Variants in SLC6A13 observed in about 807,000 individuals in gnomAD.
SLC6A13 encodes the protein solute carrier family 6 member 13.
SLC6A13 carries 69 observed loss-of-function variants against 72.9 expected under a neutral mutation model. The observed-to-expected ratio is 0.95, with a 90% CI of 0.78 to 1.16. The LOEUF (loss-of-function observed/expected upper bound fraction) is 1.16, where lower values mean the gene tolerates loss of function less well. SLC6A13 is among the 50% of genes most tolerant of loss of function. The pLI, the probability that SLC6A13 is intolerant of heterozygous loss-of-function variation, is 0.00. For missense variants in SLC6A13, 735 were observed against 760.5 expected, an observed-to-expected ratio of 0.97 and a Z score of 0.39; for synonymous variants, 303 against 303.0, an observed-to-expected ratio of 1.00 and a Z score of 0.00.
chr12:253,998 G>A (rs1279490634), intron 2 of SLC6A13, among the ~76,000 whole-genome samples: 1 of 152,218 alleles, frequency 6.6e-6, no homozygotes, highest in East Asian at 1.9e-4. Flanking sequence ...GCTGGCTATG[G>A]ACAGTCCTAT....
rs779649431 is a variant in SLC6A13 at position 259,771 on chromosome 12, C to T, written c.202+80G>A. On this transcript the variant is annotated intron_variant, in intron 2 of 14. Coordinates refer to ENST00000343164, the MANE Select transcript of SLC6A13 (RefSeq NM_016615.5). The stretch of plus-strand genomic sequence containing the variant: ...GAATTCTATACATCTATGGGACTCC[C>T]CAGAGGGGCCGTAAGTGCAGGAGAT... 3.1e-6 allele frequency: 5 copies of T among 1,613,898 alleles called. No homozygotes were observed. In the East Asian group the frequency reaches 1.1e-4, roughly 36 times the overall value.
At chr12:223,438 G>A (rs936091840) in intron 11 of SLC6A13, among the ~76,000 whole-genome samples, 2 of 152,168 alleles carry the variant, frequency 1.3e-5, no homozygotes, top group Admixed American at 6.5e-5. Context: ...TATTTTTTGG[G>A]ACAGAATATA....
At chr12:249,760 G>A (rs561930033) in intron 2 of SLC6A13, among the ~76,000 whole-genome samples, 108 of 152,150 alleles carry the variant, frequency 7.1e-4, no homozygotes, top group African/African-American at 2.4e-3. Flanking sequence ...TTTATAAAGT[G>A]AGCATTACCC....
intron 9 of SLC6A13, 51 bp from the exon 10 acceptor site, chr12:224,564 C>T (rs781396648): frequency 5.5e-6 from 8 of 1,467,032 alleles, no homozygotes; most frequent in Admixed American, 1.7e-5. Flanking sequence ...CAGCTCCAGG[C>T]TGTGGGTGAC....
chr12:226,758 G>C (rs1354210908), intron 8 of SLC6A13: 1 of 378,626 alleles, frequency 2.6e-6, no homozygotes, highest in Non-Finnish European at 4.9e-6. Context: ...AAAGAATGCG[G>C]CTCCAGGGAA....
chr12:245,629 G>A (rs559164910), intron 2 of SLC6A13, among the ~76,000 whole-genome samples: 46 of 151,812 alleles, frequency 3.0e-4, no homozygotes, highest in African/African-American at 8.0e-4. Context: ...GCAGTGAGCC[G>A]AGATCGTGCC....
At chr12:223,919 C>G (rs1941325610) in intron 11 of SLC6A13, 73 bp downstream of exon 11, 11 of 1,566,948 alleles carry the variant, frequency 7.0e-6, no homozygotes, top group South Asian at 2.2e-5. Context: ...GCCAGGGTAT[C>G]TGCCTCACTG....
intron 6 of SLC6A13, 150 bp downstream of exon 6, chr12:237,008 G>A (rs898377606): frequency 1.1e-4 from 88 of 818,180 alleles, no homozygotes; most frequent in South Asian, 2.8e-4. Flanking sequence ...TAGGAGAGGC[G>A]GAGAATCAAG....
intron 3 of SLC6A13, among the ~76,000 whole-genome samples, chr12:243,175 AATTTTTTGT>A (rs1383995090): frequency 3.3e-5 from 5 of 151,940 alleles, no homozygotes; most frequent in Non-Finnish European, 7.4e-5. Context: ...ATGCCTGGCT[AATTTTTTGT>A]ATTTTTTGTA....
chr12:247,632 A>G (rs1942400171), intron 2 of SLC6A13, among the ~76,000 whole-genome samples: 1 of 152,248 alleles, frequency 6.6e-6, no homozygotes, highest in Non-Finnish European at 1.5e-5. Flanking sequence ...ATATCACCAG[A>G]TAGAAATATG....
intron 11 of SLC6A13, 168 bp downstream of exon 11, chr12:223,824 G>C: frequency 1.4e-6 from 1 of 705,172 alleles, no homozygotes; most frequent in Non-Finnish European, 2.3e-6. Flanking sequence ...GCCAGAGGAG[G>C]GACCTGCCTA....
intron 7 of SLC6A13, 81 bp downstream of exon 7, chr12:235,009 G>A (rs930214236): frequency 6.6e-7 from 1 of 1,523,498 alleles, no homozygotes; most frequent in African/African-American, 1.4e-5. Flanking sequence ...AGGTGCGGGG[G>A]TTCCCCGTCA....
chr12:225,080 G>T (rs1941385866), intron 9 of SLC6A13, among the ~76,000 whole-genome samples: 1 of 152,270 alleles, frequency 6.6e-6, no homozygotes, highest in African/African-American at 2.4e-5. Flanking sequence ...ACTGGTTTCA[G>T]AATGCCGCTG....
intron 2 of SLC6A13, among the ~76,000 whole-genome samples, chr12:251,893 G>A (rs1184227812): frequency 6.6e-6 from 1 of 152,154 alleles, no homozygotes; most frequent in Non-Finnish European, 1.5e-5. Context: ...AGCTCAGAAG[G>A]TCAAGGATGC....
In SLC6A13 at chr12:254,540, C is replaced by G. The variant is rs1481653199; in HGVS notation, c.202+5311G>C. 6.6e-6 allele frequency among the ~76,000 whole-genome samples: 1 copy of G among 152,186 alleles called. No individual in the cohort carries two copies. Among genetic ancestry groups the G allele is most frequent in the African/African-American group, 2.4e-5 (1 of 41,442 alleles). ...CTTTGCTGCAGTTAATTTCTCCCTC[C>G]TCCCTGATAGAATTTCTTCACTCGA... is the stretch of plus-strand genomic sequence containing the variant. On this transcript the variant is annotated intron_variant, in intron 2 of 14. Coordinates refer to ENST00000343164, the MANE Select transcript of SLC6A13 (RefSeq NM_016615.5). This position sits in a 1 kb window ranked among gnomAD's most constrained non-coding sequence, Gnocchi z 4.4.
At position 228,609 on chromosome 12, in the gene SLC6A13, C is replaced by T. The variant is rs562156618; in HGVS notation, c.832-941G>A. On this transcript the variant is annotated intron_variant, in intron 7 of 14. Transcript: ENST00000343164. Reference sequence around the variant, plus strand: ...CCTCTATCCTTTCATCACTCTCTTCCGCTAATATCAGGCCTCCAATTCCTC... The same window carrying T: ...CCTCTATCCTTTCATCACTCTCTTCTGCTAATATCAGGCCTCCAATTCCTC... Among the ~76,000 whole-genome samples the T allele has an allele frequency of 7.9e-5, 12 of 152,296 alleles. No individual in the cohort carries two copies. The South Asian group carries it at 2.3e-3, about 29-fold the overall frequency.
intron 2 of SLC6A13, among the ~76,000 whole-genome samples, chr12:255,881 G>A (rs914204888): frequency 6.6e-5 from 10 of 152,028 alleles, no homozygotes; most frequent in Non-Finnish European, 1.3e-4. Context: ...CTCCAGGCTT[G>A]AGTCCTCCTC....
chr12:240,339 G>A (rs1942118363), intron 4 of SLC6A13, among the ~76,000 whole-genome samples: 1 of 151,982 alleles, frequency 6.6e-6, no homozygotes, highest in African/African-American at 2.4e-5. Flanking sequence ...AAGTAGCTAG[G>A]GCCATGGGTG....
intron 8 of SLC6A13, among the ~76,000 whole-genome samples, chr12:227,162 G>A (rs369375808): frequency 5.9e-5 from 9 of 152,066 alleles, no homozygotes; most frequent in African/African-American, 1.9e-4. Context: ...ATACATTCTC[G>A]CAAATTGCCA....
Sources: allele counts gnomAD v4.1 joint callset (sites outside exome capture counted in the v4.1 genomes callset), GRCh38; gene constraint gnomAD v4.1.1; non-coding constraint Gnocchi (gnomAD v3.1); transcripts MANE v1.5; gene names NCBI Gene and HGNC (gene_info 2026-07-23, HGNC 2026-07-21).